Variants in MCC observed in about 807,000 individuals in gnomAD.
MCC encodes colorectal mutant cancer protein.
In MCC, 90 loss-of-function variants were observed where a neutral mutation model predicts 116.2. The observed-to-expected ratio is 0.77, with a 90% CI of 0.65 to 0.92. The LOEUF is 0.92. Among genes scored for constraint, MCC ranks in the 40% least tolerant of loss-of-function variants. The pLI is 0.00. For missense variants in MCC, 1,516 were observed against 1,312.2 expected, an observed-to-expected ratio of 1.16 and a Z score of -2.40; for synonymous variants, 578 against 510.5, an observed-to-expected ratio of 1.13 and a Z score of -1.78.
At chr5:113,129,583 C>T (rs1415416027) in intron 5 of MCC, among the ~76,000 whole-genome samples, 1 of 152,248 alleles carries the variant, frequency 6.6e-6, no homozygotes, top group Admixed American at 6.5e-5. Context: ...CCCCATATGG[C>T]TGGGAGGAAG....
chr5:113,364,238 G>GAAA (rs60976854), intron 2 of MCC, among the ~76,000 whole-genome samples: 68 of 49,400 alleles, frequency 1.4e-3, no homozygotes, highest in Admixed American at 2.0e-3. Context: ...CTCAAAAACA[G>GAAA]AAAAAAAAAA....
At chr5:113,184,261 G>T (rs1761775331) in intron 3 of MCC, among the ~76,000 whole-genome samples, 1 of 152,120 alleles carries the variant, frequency 6.6e-6, no homozygotes. Flanking sequence ...ATTTAAGATA[G>T]TCTAAAAGAG....
intron 3 of MCC, among the ~76,000 whole-genome samples, chr5:113,304,319 T>A (rs189187013): frequency 1.3e-5 from 2 of 152,248 alleles, no homozygotes; most frequent in African/African-American, 2.4e-5. Flanking sequence ...ACTTGAAGAC[T>A]ATTTCCAGAT....
chr5:113,339,161 G>A (rs11748503), intron 3 of MCC, among the ~76,000 whole-genome samples: 20,156 of 151,082 alleles, frequency 0.13, 2,225 homozygotes, highest in Admixed American at 0.27. Context: ...GGAAGGCGGA[G>A]GTTGCAGTGA....
At chr5:113,294,421 G>C in intron 3 of MCC, 1 of 1,605,624 alleles carries the variant, frequency 6.2e-7, no homozygotes, top group Non-Finnish European at 8.5e-7. Context: ...CAGTCCCCCA[G>C]GTCTCGGAGC....
Position 113,023,592 on chromosome 5 carries a change from ATACTC to A in MCC, c.*3705_*3709del, listed in dbSNP as rs1385793998. 3 of 152,356 alleles carry A rather than the reference ATACTC, an allele frequency of 2.0e-5. No individual in the cohort carries two copies. The highest frequency in any genetic ancestry group is 7.2e-5 in the African/African-American group (3 of 41,574). The allele number at this position is 152,356 out of a possible 1,614,324, so 9.4% of individuals were successfully genotyped here. A position where few individuals can be genotyped will look rare whatever the true frequency, so the allele number is the denominator to read the frequency against. On this transcript the variant is annotated 3_prime_UTR_variant, in exon 19 of 19. Coordinates refer to ENST00000408903, the MANE Select transcript of MCC (RefSeq NM_001085377.2). ...GTCTCTTACTATTTTGGCTCTCAAA[ATACTC>A]TAACTAGTAGCTCTGTTTGCTGAAT...
At chr5:113,285,370 A>T (rs1467787004) in intron 3 of MCC, among the ~76,000 whole-genome samples, 2 of 122,092 alleles carry the variant, frequency 1.6e-5, no homozygotes, top group East Asian at 2.8e-4. Context: ...CAAAATATGA[A>T]AAGAATAAGA....
intron 3 of MCC, among the ~76,000 whole-genome samples, chr5:113,233,028 T>A (rs1309071614): frequency 6.6e-6 from 1 of 152,148 alleles, no homozygotes; most frequent in African/African-American, 2.4e-5. Flanking sequence ...CAGGGCTAAA[T>A]GAAATACCTG....
chr5:113,135,473 G>A (rs1417034575), intron 5 of MCC, among the ~76,000 whole-genome samples: 4 of 149,146 alleles, frequency 2.7e-5, no homozygotes, highest in East Asian at 2.0e-4. Context: ...GCAGGAGAAT[G>A]GCGTGAACCT....
At chr5:113,387,386 C>T (rs968672121) in intron 1 of MCC, among the ~76,000 whole-genome samples, 6 of 152,074 alleles carry the variant, frequency 3.9e-5, no homozygotes, top group African/African-American at 1.4e-4. Context: ...TAAGACCTAC[C>T]TGATATTCAG....
At chr5:113,110,532 G>A (rs1212207832) in intron 6 of MCC, among the ~76,000 whole-genome samples, 4 of 152,240 alleles carry the variant, frequency 2.6e-5, no homozygotes, top group African/African-American at 9.6e-5. Context: ...TCACACATAT[G>A]TGGATTTCAT....
At chr5:113,308,405 A>G (rs1767046561) in intron 3 of MCC, among the ~76,000 whole-genome samples, 1 of 152,114 alleles carries the variant, frequency 6.6e-6, no homozygotes, top group African/African-American at 2.4e-5. Context: ...ATATTAGGAA[A>G]CAATTCTTAC....
At chr5:113,329,730 T>C (rs1203228255) in intron 3 of MCC, among the ~76,000 whole-genome samples, 2 of 152,176 alleles carry the variant, frequency 1.3e-5, no homozygotes, top group Non-Finnish European at 2.9e-5. Flanking sequence ...CTTTCTCCTC[T>C]TGAAATCCAT....
intron 1 of MCC, among the ~76,000 whole-genome samples, chr5:113,396,141 A>C (rs1485804186): frequency 6.6e-6 from 1 of 152,136 alleles, no homozygotes; most frequent in Non-Finnish European, 1.5e-5. Context: ...CAGCCTGGGC[A>C]ACATGGCAAG....
At chr5:113,439,585 G>T (rs11954016) in intron 1 of MCC, among the ~76,000 whole-genome samples, 11,954 of 152,192 alleles carry the variant, frequency 0.079, 1,061 homozygotes, top group African/African-American at 0.22. Context: ...AAAATCCAAT[G>T]GCCAGTCGTA....
At chr5:113,267,820 G>A (rs910850772) in intron 3 of MCC, among the ~76,000 whole-genome samples, 2 of 152,022 alleles carry the variant, frequency 1.3e-5, no homozygotes, top group Non-Finnish European at 2.9e-5. Flanking sequence ...TAAAAACCAC[G>A]GAATTGTATA....
At chr5:113,162,582 G>C (rs953543750) in intron 3 of MCC, among the ~76,000 whole-genome samples, 1 of 151,902 alleles carries the variant, frequency 6.6e-6, no homozygotes, top group African/African-American at 2.4e-5. Flanking sequence ...CTGCAGCCTC[G>C]AAATCCCAGG....
At chr5:113,350,792 G>C (rs551326128) in intron 2 of MCC, among the ~76,000 whole-genome samples, 1 of 152,098 alleles carries the variant, frequency 6.6e-6, no homozygotes, top group African/African-American at 2.4e-5. Flanking sequence ...CATTTGACAA[G>C]AGAATAGTAA....
At chr5:113,446,891 A>T (rs1771235327) in intron 1 of MCC, among the ~76,000 whole-genome samples, 1 of 152,178 alleles carries the variant, frequency 6.6e-6, no homozygotes, top group South Asian at 2.1e-4. Context: ...CCCAAACCTC[A>T]GTATCACACA....
Sources: gnomAD v4.1 joint callset for allele counts (sites outside exome capture counted in the v4.1 genomes callset) on GRCh38, gnomAD v4.1.1 for gene constraint, MANE v1.5 for transcripts, NCBI Gene and HGNC (gene_info 2026-07-23, HGNC 2026-07-21) for gene names.